DGKK: variants seen among roughly 807,000 people sequenced by gnomAD.
DGKK encodes diacylglycerol kinase kappa, also known as 142 kDa diacylglycerol kinase.
A neutral mutation model predicts 92.2 loss-of-function variants in DGKK; 35 were observed. That is an observed-to-expected ratio of 0.38 (90% CI 0.29 to 0.50). The LOEUF (loss-of-function observed/expected upper bound fraction) is 0.50, where lower values mean the gene tolerates loss of function less well. Among genes scored for constraint, DGKK ranks in the 20% least tolerant of loss-of-function variants. The pLI is 0.92. For synonymous variants in DGKK, 368 were observed against 360.6 expected (o/e 1.02, Z -0.23); for missense variants, 910 against 992.2 (o/e 0.92, Z 1.11).
chrX:50,446,999 G>A lies in DGKK; in HGVS notation c.646-22641C>T, dbSNP rs782739377. Among the ~76,000 whole-genome samples, 7 of 108,528 alleles carry A rather than the reference G, an allele frequency of 6.4e-5. No individual in the cohort carries two copies. The South Asian group carries it at 2.4e-3, about 38-fold the overall frequency. 94.2% of individuals were successfully genotyped at this position (108,528 alleles called of 115,157 possible). A position where few individuals can be genotyped will look rare whatever the true frequency, so the allele number is the denominator to read the frequency against. On this transcript the variant is annotated intron_variant, in intron 1 of 27. Transcript: ENST00000611977. ...ATAAATGCTAATGCATATGTACTAC[G>A]ATGGAATTCATAGAACCATAGCTCC...
chrX:50,407,475 C>CAGAG (rs781961955), intron 4 of DGKK, among the ~76,000 whole-genome samples: 1 of 107,907 alleles, frequency 9.3e-6, no homozygotes, highest in Admixed American at 9.9e-5. Context: ...CGTGTGCATG[C>CAGAG]AGAGAGAGAG....
chrX:50,366,448 TG>T lies in DGKK; in HGVS notation c.*2491del, dbSNP rs1457125587. On this transcript the variant is annotated 3_prime_UTR_variant, in exon 28 of 28. Coordinates refer to ENST00000611977, the MANE Select transcript of DGKK (RefSeq NM_001013742.4). ...CAGTCAATATCATTCTGACTCAGAG[TG>T]GGAGGACAGGGTAGGTGAAAGGGAA... The T allele has an allele frequency of 9.0e-6, 1 of 111,033 alleles. No homozygotes were observed. Among genetic ancestry groups the T allele is most frequent in the Non-Finnish European group, 1.9e-5 (1 of 53,000 alleles). The allele number at this position is 111,033 out of a possible 1,213,427, so 9.2% of individuals were successfully genotyped here.
At chrX:50,420,096 C>G (rs1925539556) in intron 4 of DGKK, among the ~76,000 whole-genome samples, 1 of 111,574 alleles carries the variant, frequency 9.0e-6, no homozygotes, top group Non-Finnish European at 1.9e-5. Flanking sequence ...TCCGGTTTTC[C>G]TAACCTAAGG....
At chrX:50,380,166 C>T in intron 18 of DGKK, 89 bp from the exon 19 acceptor site, 1 of 754,972 alleles carries the variant, frequency 1.3e-6, no homozygotes, top group African/African-American at 2.1e-5. Flanking sequence ...CATCTTACTT[C>T]TCAAATGCCT....
At chrX:50,456,506 G>A (rs1425347656) in intron 1 of DGKK, among the ~76,000 whole-genome samples, 1 of 111,799 alleles carries the variant, frequency 8.9e-6, no homozygotes, top group Non-Finnish European at 1.9e-5. Context: ...TAGTGAAAAG[G>A]TTACCAAATG....
intron 1 of DGKK, 143 bp downstream of exon 1, chrX:50,469,891 C>T: frequency 1.0e-6 from 1 of 996,169 alleles, no homozygotes; most frequent in Non-Finnish European, 1.3e-6. Flanking sequence ...CCCCCGGGTT[C>T]CCCATCCCTG....
At position 50,367,729 on chromosome X, in the gene DGKK, A is replaced by C. The variant is rs190165509; in HGVS notation, c.*1211T>G. The stretch of plus-strand genomic sequence containing the variant: ...TTATTGGGGAAGGGCACAGTTGCTG[A>C]TGAAGAGTCTAGGACAGATAGAGCA... On this transcript the variant is annotated 3_prime_UTR_variant, in exon 28 of 28. Coordinates refer to ENST00000611977, the MANE Select transcript of DGKK (RefSeq NM_001013742.4). 1 of 111,541 alleles carries C rather than the reference A, an allele frequency of 9.0e-6. No homozygotes were observed. The highest frequency in any genetic ancestry group is 3.3e-5 in the African/African-American group (1 of 30,670). The allele number at this position is 111,541 out of a possible 1,213,427, so 9.2% of individuals were successfully genotyped here.
chrX:50,384,945 G>A (rs1557224827), intron 15 of DGKK, 121 bp from the exon 16 acceptor site: 23 of 526,592 alleles, frequency 4.4e-5, no homozygotes. Flanking sequence ...CATTTATCGA[G>A]CATCTATTTT....
intron 1 of DGKK, among the ~76,000 whole-genome samples, chrX:50,462,874 T>A (rs1210304026): frequency 2.1e-5 from 2 of 95,873 alleles, no homozygotes; most frequent in African/African-American, 7.7e-5. Context: ...TTTCTTTTCC[T>A]TTCCTTGCTT....
intron 1 of DGKK, among the ~76,000 whole-genome samples, chrX:50,436,543 G>C (rs1303170491): frequency 8.9e-6 from 1 of 112,096 alleles, no homozygotes; most frequent in Non-Finnish European, 1.9e-5. Flanking sequence ...GCAGGAGTTT[G>C]GTGGTATGAA....
rs369063565 is a variant in DGKK, at chrX:50,375,011, C to A, written c.3461G>T (p.Gly1154Val). Residue 1154 changes from glycine (G) to valine (V), a missense_variant, in exon 25 of 28, where the codon GGT (glycine) becomes GTT (valine). By Grantham distance (109) the Gly-to-Val change is moderately radical. Coordinates refer to ENST00000611977, the MANE Select transcript of DGKK (RefSeq NM_001013742.4). Reference protein sequence around the residue: ...DAVDVTFSLKGLYDDTTAFLD... With the variant: ...DAVDVTFSLKVLYDDTTAFLD... ...GAAAGCTGTGGTGTCATCGTAGAGA[C>A]CTTTAAGACTAAATGTAACATCTAC... is the stretch of plus-strand genomic sequence containing the variant. The A allele has an allele frequency of 1.1e-5, 13 of 1,207,573 alleles. No individual in the cohort carries two copies. In the African/African-American group the frequency reaches 1.9e-4, roughly 18 times the overall value.
At chrX:50,462,378 G>A (rs180705547) in intron 1 of DGKK, among the ~76,000 whole-genome samples, 2 of 104,330 alleles carry the variant, frequency 1.9e-5, no homozygotes, top group African/African-American at 7.1e-5. Context: ...GAGCCTGTGG[G>A]AGAAGTGAGT....
intron 1 of DGKK, among the ~76,000 whole-genome samples, chrX:50,466,017 C>CTTTTTTTTT (rs72090197): frequency 1.2e-3 from 52 of 42,779 alleles, no homozygotes; most frequent in South Asian, 2.5e-3. Context: ...TTTCTTTTTT[C>CTTTTTTTTT]TTTTTTTTTT....
rs782781810 is a variant in DGKK at position 50,371,875 on chromosome X, C to G, written c.3502-41G>C. 3 of 924,390 alleles carry G rather than the reference C, an allele frequency of 3.2e-6. No individual in the cohort carries two copies. In the South Asian group the frequency reaches 6.5e-5, roughly 20 times the overall value. 76.2% of individuals were successfully genotyped at this position (924,390 alleles called of 1,213,427 possible). A position where few individuals can be genotyped will look rare whatever the true frequency, so the allele number is the denominator to read the frequency against. On this transcript the variant is annotated intron_variant, in intron 25 of 27. Transcript: ENST00000611977. Reference sequence around the variant, plus strand: ...AAAAGAGTAAGTGTCCAATGCCTAGCACTTTTGTAGACTCTTACACTCTCC... The same window carrying G: ...AAAAGAGTAAGTGTCCAATGCCTAGGACTTTTGTAGACTCTTACACTCTCC...
intron 4 of DGKK, among the ~76,000 whole-genome samples, chrX:50,405,446 T>C (rs1925125990): frequency 9.0e-6 from 1 of 110,881 alleles, no homozygotes; most frequent in African/African-American, 3.3e-5. Context: ...TTCTTGACAT[T>C]ATAATGAGTT....
At chrX:50,407,467 T>G (rs1346216798) in intron 4 of DGKK, among the ~76,000 whole-genome samples, 1 of 110,627 alleles carries the variant, frequency 9.0e-6, no homozygotes, top group African/African-American at 3.3e-5. Context: ...TTCCTCAACG[T>G]GTGCATGCAG....
At chrX:50,436,038 G>A (rs1166948616) in intron 1 of DGKK, among the ~76,000 whole-genome samples, 2 of 111,895 alleles carry the variant, frequency 1.8e-5, no homozygotes, top group Non-Finnish European at 3.8e-5. Context: ...CACACTTGGA[G>A]GGAAAAGAGA....
At position 50,404,177 on chromosome X, in the gene DGKK, G is replaced by T. The variant is rs1362418526; in HGVS notation, c.950C>A (p.Ala317Glu). ...AACAAGAAAAGGGTTGTTTTCTGCT[G>T]CAGGTATCTAAAATAAATAAACGAG... ...IQQGEIYKIP[A>E]AENNPFLVGM... is the part of the protein sequence containing the mutation. Residue 317 changes from alanine to glutamate, a missense_variant, in exon 5 of 28, where the codon GCA becomes GAA. By Grantham distance (107) the Ala-to-Glu change is moderately radical. Coordinates refer to ENST00000611977, the MANE Select transcript of DGKK (RefSeq NM_001013742.4). 1 of 1,202,711 alleles carries T rather than the reference G, an allele frequency of 8.3e-7. No individual in the cohort carries two copies. Among genetic ancestry groups the T allele is most frequent in the African/African-American group, 1.8e-5 (1 of 56,812 alleles).
chrX:50,467,426 G>T (rs1327701719), intron 1 of DGKK, among the ~76,000 whole-genome samples: 3 of 113,072 alleles, frequency 2.7e-5, no homozygotes, highest in African/African-American at 9.6e-5. Context: ...GAAACTTGCA[G>T]TCATATTCAA....
Sources: gnomAD v4.1 joint callset for allele counts (sites outside exome capture counted in the v4.1 genomes callset) on GRCh38, gnomAD v4.1.1 for gene constraint, MANE v1.5 for transcripts, NCBI Gene and HGNC (gene_info 2026-07-23, HGNC 2026-07-21) for gene names.